The following KMT2E variants were observed in gnomAD, a reference collection of about 807,000 sequenced individuals.
KMT2E encodes histone reader KMT2E.
A neutral mutation model predicts 184.6 loss-of-function variants in KMT2E; 30 were observed. The ratio of observed to expected loss-of-function variants is 0.16; its 90% confidence interval spans 0.12 to 0.22. The LOEUF is 0.22. KMT2E is among the 10% of genes least tolerant of loss of function. The probability of loss-of-function intolerance (pLI) is 1.00; values close to 1 mark genes in which losing one functional copy is unlikely to be tolerated. For synonymous variants in KMT2E, 815 were observed against 776.5 expected (o/e 1.05, Z -0.82); for missense variants, 2,023 against 2,237.4 (o/e 0.90, Z 1.93).
chr7:105,066,887 G>C lies in KMT2E; in HGVS notation c.497+80G>C. The C allele has an allele frequency of 3.8e-6, 4 of 1,064,774 alleles. No homozygotes were observed. The South Asian group carries it at 3.8e-5, about 10-fold the overall frequency. 66.0% of individuals were successfully genotyped at this position (1,064,774 alleles called of 1,614,324 possible). A position where few individuals can be genotyped will look rare whatever the true frequency, so the allele number is the denominator to read the frequency against. ...TTAACAGAAATTCCTTTATGAATTC[G>C]AGTTAAAAAATTAATGAATCACAGC... On this transcript the variant is annotated intron_variant, in intron 6 of 26. Coordinates refer to ENST00000311117, the MANE Select transcript of KMT2E (RefSeq NM_182931.3).
rs1799209035 is a variant in KMT2E, at chr7:105,110,854, C to G, written c.4054C>G (p.Pro1352Ala). 1 of 1,612,476 alleles carries G rather than the reference C, an allele frequency of 6.2e-7. No individual in the cohort carries two copies. The highest frequency in any genetic ancestry group is 8.5e-7 in the Non-Finnish European group (1 of 1,178,634). The change falls in exon 26 of 27, where the codon CCA (proline) becomes GCA (alanine). Residue 1352 changes from proline to alanine, a missense_variant. By Grantham distance (27) the Pro-to-Ala change is conservative (BLOSUM62 -1). Around this residue, in one of 8 missense-constraint regions of KMT2E, gnomAD observed 1,108 missense variants for 1,050.9 expected, o/e 1.05. Coordinates refer to ENST00000311117, the MANE Select transcript of KMT2E (RefSeq NM_182931.3). Reference protein sequence around the residue: ...DTSQNTCKSPPKMSKPGSPGS... With the variant: ...DTSQNTCKSPAKMSKPGSPGS... ...TTCTCAAAATACTTGTAAAAGTCCT[C>G]CAAAAATGAGCAAGGTAATAACATT...
chr7:105,086,242 A>T (rs1467066783), intron 13 of KMT2E, among the ~76,000 whole-genome samples: 1 of 152,160 alleles, frequency 6.6e-6, no homozygotes, highest in Non-Finnish European at 1.5e-5. Flanking sequence ...GCATGTGTGT[A>T]CATGTCCTCT....
At chr7:105,062,511 C>T (rs1428021419) in intron 4 of KMT2E, among the ~76,000 whole-genome samples, 1 of 152,018 alleles carries the variant, frequency 6.6e-6, no homozygotes. Context: ...TATTATATTT[C>T]TTTACTTCCT....
intron 5 of KMT2E, chr7:105,064,110 A>G (rs976713212): frequency 1.0e-5 from 4 of 382,634 alleles, no homozygotes; most frequent in Non-Finnish European, 2.0e-5. Context: ...CTCCTCCCCT[A>G]GAGAAGGTGT....
At chr7:105,100,104 A>T (rs921073047) in intron 15 of KMT2E, among the ~76,000 whole-genome samples, 13 of 152,218 alleles carry the variant, frequency 8.5e-5, no homozygotes, top group Non-Finnish European at 4.4e-5. Flanking sequence ...GAGAAGTGAG[A>T]TACAGATACG....
At chr7:105,088,027 G>T (rs1562919305) in intron 13 of KMT2E, among the ~76,000 whole-genome samples, 1 of 151,924 alleles carries the variant, frequency 6.6e-6, no homozygotes, top group Non-Finnish European at 1.5e-5. Flanking sequence ...GATTATTGCA[G>T]TCAGATTTAT....
intron 6 of KMT2E, among the ~76,000 whole-genome samples, chr7:105,071,325 A>G (rs1445701676): frequency 6.6e-6 from 1 of 151,418 alleles, no homozygotes; most frequent in South Asian, 2.1e-4. Context: ...AGATTGTCAA[A>G]TTTCCTTCCA....
chr7:105,066,858 C>A (rs1356007257), intron 6 of KMT2E, 51 bp downstream of exon 6: 2 of 1,215,494 alleles, frequency 1.6e-6, no homozygotes, highest in Admixed American at 1.7e-5. Flanking sequence ...TGAGGTAATA[C>A]TAGTTAACAG....
intron 1 of KMT2E, among the ~76,000 whole-genome samples, chr7:105,034,126 C>T (rs930549426): frequency 1.3e-5 from 2 of 152,170 alleles, no homozygotes; most frequent in Non-Finnish European, 2.9e-5. Context: ...ATTAAGGTTT[C>T]AACATGAGTT....
intron 1 of KMT2E, among the ~76,000 whole-genome samples, chr7:105,026,928 T>TG (rs1394463513): frequency 6.6e-6 from 1 of 152,208 alleles, no homozygotes; most frequent in Non-Finnish European, 1.5e-5. Context: ...TTAAGGATTT[T>TG]GGGAAAAGCA....
chr7:105,071,748 C>T (rs960044928), intron 6 of KMT2E, among the ~76,000 whole-genome samples: 29 of 149,990 alleles, frequency 1.9e-4, no homozygotes, highest in African/African-American at 6.3e-4. Flanking sequence ...TGGGCCACCA[C>T]GCCCGGCCTG....
At chr7:105,018,139 A>G (rs1432930916) in intron 1 of KMT2E, among the ~76,000 whole-genome samples, 4 of 152,212 alleles carry the variant, frequency 2.6e-5, no homozygotes, top group East Asian at 1.9e-4. Context: ...TCATTCATCA[A>G]TCTTCTAAAG....
intron 1 of KMT2E, among the ~76,000 whole-genome samples, chr7:105,033,643 C>G (rs532183300): frequency 6.6e-6 from 1 of 152,048 alleles, no homozygotes; most frequent in Non-Finnish European, 1.5e-5. Flanking sequence ...GGACTACAGA[C>G]GCCCGCCACC....
intron 13 of KMT2E, among the ~76,000 whole-genome samples, chr7:105,084,558 T>C (rs1316388286): frequency 6.6e-6 from 1 of 150,892 alleles, no homozygotes. Context: ...ACCTGGGAAG[T>C]GGAGGTTGCA....
At chr7:105,086,368 A>G (rs974206313) in intron 13 of KMT2E, among the ~76,000 whole-genome samples, 1 of 152,150 alleles carries the variant, frequency 6.6e-6, no homozygotes, top group Non-Finnish European at 1.5e-5. Flanking sequence ...GTGAATGTCT[A>G]AGAAGCTTGT....
In KMT2E at chr7:105,111,822, T is replaced by A; in HGVS notation, c.4069-3T>A. On this transcript the variant is annotated splice_polypyrimidine_tract_variant and splice_region_variant and intron_variant, in intron 26 of 26. Coordinates refer to ENST00000311117, the MANE Select transcript of KMT2E (RefSeq NM_182931.3). The stretch of plus-strand genomic sequence containing the variant: ...ATGTATATAATTTGTTTTCTCTTCA[T>A]AGCCTGGTTCACCTGGATCTGTAAT... 1 of 1,606,274 alleles carries A rather than the reference T, an allele frequency of 6.2e-7. No homozygotes were observed. Among genetic ancestry groups the A allele is most frequent in the Non-Finnish European group, 8.5e-7 (1 of 1,176,856 alleles).
At chr7:105,050,611 A>AT (rs200814025) in intron 3 of KMT2E, among the ~76,000 whole-genome samples, 8 of 147,726 alleles carry the variant, frequency 5.4e-5, no homozygotes, top group East Asian at 2.0e-4. Flanking sequence ...AGGCTCATCT[A>AT]TTTTTTTTCC....
In KMT2E at chr7:105,107,428, G is replaced by C. The variant is rs1193945634; in HGVS notation, c.2971G>C (p.Gly991Arg). 1 of 1,613,210 alleles carries C rather than the reference G, an allele frequency of 6.2e-7. No individual in the cohort carries two copies. The highest frequency in any genetic ancestry group is 8.5e-7 in the Non-Finnish European group (1 of 1,179,704). ...TAGAAATTCTAATTTAACTGAACTG[G>C]GTCTGCAAGAAATAAAGACTATTGG... ...PFRNSNLTEL[G>R]LQEIKTIGYT... Residue 991 changes from glycine (G) to arginine (R), a missense_variant, in exon 22 of 27, where the codon GGT becomes CGT. This residue lies in a region of KMT2E where 514 missense variants were observed against 621.8 expected (regional missense o/e 0.83). Transcript: ENST00000311117.
chr7:105,039,491 C>T (rs1408329451), intron 2 of KMT2E, among the ~76,000 whole-genome samples: 1 of 152,230 alleles, frequency 6.6e-6, no homozygotes, highest in Non-Finnish European at 1.5e-5. Flanking sequence ...AACAGTGTTT[C>T]TTCAAGTAGC....
Sources: allele counts gnomAD v4.1 joint callset (sites outside exome capture counted in the v4.1 genomes callset), GRCh38; gene constraint gnomAD v4.1.1; regional missense constraint gnomAD v4.1.1; transcripts MANE v1.5; gene names NCBI Gene and HGNC (gene_info 2026-07-23, HGNC 2026-07-21).